VAV2: variants seen among roughly 807,000 people sequenced by gnomAD.
The protein encoded by VAV2 is vav guanine nucleotide exchange factor 2, also known as guanine nucleotide exchange factor VAV2.
A neutral mutation model predicts 132.5 loss-of-function variants in VAV2; 67 were observed. The ratio of observed to expected loss-of-function variants is 0.51; its 90% CI spans 0.42 to 0.62. The LOEUF (loss-of-function observed/expected upper bound fraction) is 0.62. Among genes scored for constraint, VAV2 ranks in the 20% least tolerant of loss-of-function variants. The probability of loss-of-function intolerance (pLI) is 0.00; values close to 1 mark genes in which losing one functional copy is unlikely to be tolerated. For missense variants in VAV2, 938 were observed against 1,153.6 expected, an observed-to-expected ratio of 0.81 and a Z score of 2.71; for synonymous variants, 492 against 443.5, an observed-to-expected ratio of 1.11 and a Z score of -1.37.
intron 1 of VAV2, among the ~76,000 whole-genome samples, chr9:133,973,683 C>G (rs1375544983): frequency 1.3e-5 from 2 of 152,212 alleles, no homozygotes; most frequent in African/African-American, 4.8e-5. Flanking sequence ...AGGTGAGGAA[C>G]CCTAGATACC....
rs148033881 is a variant in VAV2, at chr9:133,768,576, C to A, written c.2455G>T (p.Gly819Cys). ...AAGTTATACCTGGCCACAGCTGTGCCGATGACGCGGGGCGTGAACACTGTT... is the reference window on the plus strand; with the variant it reads ...AAGTTATACCTGGCCACAGCTGTGCAGATGACGCGGGGCGTGAACACTGTT... ...FWSVFTPRVI[G>C]TAVARYNFAA... The change falls in exon 29 of 30, where the codon GGC becomes TGC. Residue 819 changes from glycine to cysteine, a missense_variant. Physicochemically the swap from Gly to Cys is radical, Grantham distance 159. Transcript: ENST00000371850. This position sits in a 1 kb window ranked among gnomAD's most constrained non-coding sequence, Gnocchi z 5.3. 6.2e-7 allele frequency: 1 copy of A among 1,613,892 alleles called. No individual in the cohort carries two copies. The highest frequency in any genetic ancestry group is 8.5e-7 in the Non-Finnish European group (1 of 1,179,948).
chr9:133,916,699 C>T (rs939847126), intron 2 of VAV2, among the ~76,000 whole-genome samples: 2 of 152,162 alleles, frequency 1.3e-5, no homozygotes, highest in African/African-American at 4.8e-5. Context: ...GGCTGGGCCT[C>T]CAGGACCAGC....
At chr9:133,906,748 C>G (rs1419301825) in intron 2 of VAV2, among the ~76,000 whole-genome samples, 2 of 152,256 alleles carry the variant, frequency 1.3e-5, no homozygotes, top group Non-Finnish European at 2.9e-5. Context: ...AGACACAAAA[C>G]CCAGTGGCGC....
At chr9:133,772,504 G>A (rs1038554417) in intron 25 of VAV2, among the ~76,000 whole-genome samples, 8 of 152,168 alleles carry the variant, frequency 5.3e-5, no homozygotes, top group South Asian at 2.1e-4. Context: ...CCTCGGCACC[G>A]GCTGCTGCCC....
chr9:133,809,065 T>C lies in VAV2; in HGVS notation c.641A>G (p.Tyr214Cys), dbSNP rs754228976. Residue 214 changes from tyrosine (Y) to cysteine (C), a missense_variant, in exon 7 of 30, where the codon TAC becomes TGC. By Grantham distance (194) the Tyr-to-Cys change is radical. Coordinates refer to ENST00000371850, the MANE Select transcript of VAV2 (RefSeq NM_001134398.2). Reference protein sequence around the residue: ...LEIQETEAKYYRTLEDIEKNY... With the variant: ...LEIQETEAKYCRTLEDIEKNY... The stretch of plus-strand genomic sequence containing the variant: ...CTTCTCAATGTCCTCCAGGGTGCGG[T>C]AGTACTTGGCCTCGGTCTCCTGGAT... 4.5e-5 allele frequency: 73 copies of C among 1,613,848 alleles called. No homozygotes were observed. The highest frequency in any genetic ancestry group is 1.6e-4 in the Middle Eastern group (1 of 6,082).
chr9:133,839,790 C>T (rs1302830754), intron 3 of VAV2, among the ~76,000 whole-genome samples: 1 of 152,224 alleles, frequency 6.6e-6, no homozygotes, highest in Non-Finnish European at 1.5e-5. Flanking sequence ...TAAGAGATCA[C>T]ACAGAGGTAT....
At chr9:133,986,542 C>T (rs1276196848) in intron 1 of VAV2, among the ~76,000 whole-genome samples, 3 of 152,208 alleles carry the variant, frequency 2.0e-5, no homozygotes, top group Non-Finnish European at 2.9e-5. Context: ...TGGATGGAGA[C>T]AGCAGTGCTG....
At chr9:133,852,104 CTG>C (rs1837211630) in intron 3 of VAV2, among the ~76,000 whole-genome samples, 1 of 151,214 alleles carries the variant, frequency 6.6e-6, no homozygotes, top group African/African-American at 2.4e-5. Context: ...GATGGACAAA[CTG>C]AAGAATGGAT....
At chr9:133,799,842 G>C (rs1169334033) in intron 9 of VAV2, among the ~76,000 whole-genome samples, 1 of 152,104 alleles carries the variant, frequency 6.6e-6, no homozygotes, top group Non-Finnish European at 1.5e-5. Context: ...AAGGAACAGA[G>C]GGACATTTAA....
chr9:133,911,374 G>A (rs985619171), intron 2 of VAV2, among the ~76,000 whole-genome samples: 4 of 152,170 alleles, frequency 2.6e-5, no homozygotes, highest in African/African-American at 7.2e-5. Flanking sequence ...TGCGGCTGGT[G>A]AGACTAAGAC....
intron 2 of VAV2, among the ~76,000 whole-genome samples, chr9:133,872,401 G>GA (rs943413891): frequency 6.6e-6 from 1 of 152,226 alleles, no homozygotes; most frequent in Non-Finnish European, 1.5e-5. Flanking sequence ...CAGGCTAGAG[G>GA]AAAAGGGCTG....
At chr9:133,948,772 C>T (rs113000247) in intron 1 of VAV2, among the ~76,000 whole-genome samples, 1,606 of 152,376 alleles carry the variant, frequency 0.011, 28 homozygotes, top group African/African-American at 0.037. Flanking sequence ...TGGCGCAGCA[C>T]GAAGCCCTTG....
chr9:133,797,776 C>G lies in VAV2; in HGVS notation c.870G>C (p.Met290Ile). Residue 290 changes from methionine to isoleucine, a missense_variant, in exon 10 of 30, where the codon ATG (methionine) becomes ATC (isoleucine). Coordinates refer to ENST00000371850, the MANE Select transcript of VAV2 (RefSeq NM_001134398.2). ...GGTTCAGTGTGTTCTGGGCGTGCTCCATGTGGCTGCAGTACTCCCCGTAGA... is the reference window on the plus strand; with the variant it reads ...GGTTCAGTGTGTTCTGGGCGTGCTCGATGTGGCTGCAGTACTCCCCGTAGA... ...LLIYGEYCSH[M>I]EHAQNTLNQL... 1 of 1,614,106 alleles carries G rather than the reference C, an allele frequency of 6.2e-7. No homozygotes were observed. Among genetic ancestry groups the G allele is most frequent in the Non-Finnish European group, 8.5e-7 (1 of 1,179,972 alleles).
chr9:133,847,335 C>T (rs1208778495), intron 3 of VAV2, among the ~76,000 whole-genome samples: 2 of 152,206 alleles, frequency 1.3e-5, no homozygotes, highest in South Asian at 2.1e-4. Flanking sequence ...CAACCCTAGC[C>T]GGGACCTTGC....
In VAV2 at chr9:133,778,774, A is replaced by G; in HGVS notation, c.1878T>C (p.Ser626=). ...VLELLRGDPE[S]PWWEGRLVQT... ...CCCCAGGACCCACCTCCCACCACGGAGACTCAGGGTCGCCCCTCAGCAGCT... is the reference window on the plus strand; with the variant it reads ...CCCCAGGACCCACCTCCCACCACGGGGACTCAGGGTCGCCCCTCAGCAGCT... The change falls in exon 22 of 30, where the codon TCT becomes TCC. Residue 626 remains serine, a synonymous_variant. Coordinates refer to ENST00000371850, the MANE Select transcript of VAV2 (RefSeq NM_001134398.2). 6.2e-7 allele frequency: 1 copy of G among 1,612,784 alleles called. No individual in the cohort carries two copies. The highest frequency in any genetic ancestry group is 1.1e-5 in the South Asian group (1 of 91,058).
chr9:133,762,202 CACAAA>C lies in VAV2; in HGVS notation c.*1855_*1859del, dbSNP rs1208543199. 6.6e-6 allele frequency: 1 copy of C among 152,532 alleles called. No individual in the cohort carries two copies. Among genetic ancestry groups the C allele is most frequent in the African/African-American group, 2.4e-5 (1 of 41,436 alleles). 9.4% of individuals were successfully genotyped at this position (152,532 alleles called of 1,614,324 possible). On this transcript the variant is annotated 3_prime_UTR_variant, in exon 30 of 30. Coordinates refer to ENST00000371850, the MANE Select transcript of VAV2 (RefSeq NM_001134398.2). This position sits in a 1 kb window ranked among gnomAD's most constrained non-coding sequence, Gnocchi z 5.0. ...AAACACAAATCTCAAAACAAAGAAA[CACAAA>C]ACAAAAAAATTCACAAAAACCAGGG...
intron 2 of VAV2, among the ~76,000 whole-genome samples, chr9:133,904,513 T>G (rs10125709): frequency 0.024 from 3,640 of 152,350 alleles, 146 homozygotes; most frequent in African/African-American, 0.083. Context: ...GCAAATGCAC[T>G]TGCAGGAAAG....
In VAV2 at chr9:133,894,709, G is replaced by A. The variant is rs546453478; in HGVS notation, c.322-33277C>T. ...TCCAGGAATCTAAGGAAGGCTGTGG[G>A]CCTCTCCCCAGAACACAGGGCACCC... On this transcript the variant is annotated intron_variant, in intron 2 of 29. Coordinates refer to ENST00000371850, the MANE Select transcript of VAV2 (RefSeq NM_001134398.2). Among the ~76,000 whole-genome samples the A allele has an allele frequency of 5.9e-5, 9 of 152,288 alleles. No homozygotes were observed. The South Asian group carries it at 1.9e-3, about 32-fold the overall frequency.
At chr9:133,886,407 G>C (rs556141464) in intron 2 of VAV2, among the ~76,000 whole-genome samples, 1 of 152,200 alleles carries the variant, frequency 6.6e-6, no homozygotes, top group Non-Finnish European at 1.5e-5. Flanking sequence ...CCTGCTGAAG[G>C]TCACCCAGCT....
Sources: gnomAD v4.1 joint callset for allele counts (sites outside exome capture counted in the v4.1 genomes callset) on GRCh38, gnomAD v4.1.1 for gene constraint, Gnocchi (gnomAD v3.1) non-coding constraint, MANE v1.5 for transcripts, NCBI Gene and HGNC (gene_info 2026-07-23, HGNC 2026-07-21) for gene names.